The following TBC1D5 variants were observed in gnomAD, a reference collection of about 807,000 sequenced individuals.
TBC1D5 encodes TBC1 domain family, member 5.
Under a neutral mutation model 100.3 loss-of-function variants are expected in TBC1D5, and 75 were observed. The ratio of observed to expected loss-of-function variants is 0.75; its 90% confidence interval spans 0.62 to 0.91. The LOEUF (loss-of-function observed/expected upper bound fraction) is 0.91, where lower values mean the gene tolerates loss of function less well. TBC1D5 is among the 40% of genes least tolerant of loss of function. The probability of loss-of-function intolerance (pLI) is 0.00; values close to 1 mark genes in which losing one functional copy is unlikely to be tolerated. For missense variants in TBC1D5, 910 were observed against 942.4 expected, an observed-to-expected ratio of 0.97 and a Z score of 0.45; for synonymous variants, 323 against 325.6, an observed-to-expected ratio of 0.99 and a Z score of 0.09.
intron 1 of TBC1D5, among the ~76,000 whole-genome samples, chr3:17,676,136 A>C (rs2068597474): frequency 5.3e-5 from 8 of 152,188 alleles, no homozygotes; most frequent in Admixed American, 5.2e-4. Flanking sequence ...TAAAAGAAAT[A>C]AATCTCCATT....
At chr3:17,396,697 AACT>A (rs1366326098) in intron 8 of TBC1D5, among the ~76,000 whole-genome samples, 3 of 152,108 alleles carry the variant, frequency 2.0e-5, no homozygotes, top group African/African-American at 7.2e-5. Context: ...GTAACATAAT[AACT>A]ACATTTGACC....
At chr3:17,286,414 T>C (rs1559553856) in intron 15 of TBC1D5, among the ~76,000 whole-genome samples, 1 of 152,192 alleles carries the variant, frequency 6.6e-6, no homozygotes. Context: ...TGTGAGCAAC[T>C]AGCTAGAACA....
chr3:17,186,883 A>G (rs2069190612), intron 18 of TBC1D5, among the ~76,000 whole-genome samples: 1 of 152,062 alleles, frequency 6.6e-6, no homozygotes, highest in Admixed American at 6.6e-5. Flanking sequence ...CTCTCCTCCA[A>G]TACTCAAATA....
At chr3:17,513,365 A>C (rs905412243) in intron 2 of TBC1D5, among the ~76,000 whole-genome samples, 3 of 152,138 alleles carry the variant, frequency 2.0e-5, no homozygotes, top group African/African-American at 7.2e-5. Flanking sequence ...CAATATGAGC[A>C]GTATCTAAGT....
At chr3:17,457,963 G>A (rs1251185698) in intron 3 of TBC1D5, among the ~76,000 whole-genome samples, 1 of 151,976 alleles carries the variant, frequency 6.6e-6, no homozygotes, top group African/African-American at 2.4e-5. Context: ...TTGGGGTGTG[G>A]GATTTAGTTT....
chr3:17,617,107 C>A (rs1022253338), intron 2 of TBC1D5, among the ~76,000 whole-genome samples: 3 of 152,136 alleles, frequency 2.0e-5, no homozygotes, highest in Admixed American at 6.5e-5. Context: ...AATCTCTCAG[C>A]ATTTAGTTGT....
chr3:17,214,088 T>C, intron 18 of TBC1D5, 119 bp downstream of exon 19: 1 of 970,294 alleles, frequency 1.0e-6, no homozygotes. Context: ...AAATAATTCC[T>C]TTTAGTCCAT....
chr3:17,503,242 A>G (rs1404377750), intron 3 of TBC1D5, among the ~76,000 whole-genome samples: 1 of 149,176 alleles, frequency 6.7e-6, no homozygotes, highest in Non-Finnish European at 1.5e-5. Flanking sequence ...CATAGCATAA[A>G]CTCTTTACAA....
chr3:17,374,749 T>C (rs1358975602), intron 10 of TBC1D5, 70 bp from the exon 11 acceptor site: 21 of 1,511,542 alleles, frequency 1.4e-5, no homozygotes, highest in Non-Finnish European at 1.9e-5. Context: ...GTTTGCCTTA[T>C]TCTATATAAG....
At chr3:17,383,830 G>C (rs1474279103) in intron 9 of TBC1D5, 83 bp downstream of exon 9, 1 of 1,056,362 alleles carries the variant, frequency 9.5e-7, no homozygotes, top group African/African-American at 1.6e-5. Flanking sequence ...ATACAATAAA[G>C]GCTACATTAT....
intron 16 of TBC1D5, among the ~76,000 whole-genome samples, chr3:17,238,947 T>C (rs2076095445): frequency 1.3e-5 from 2 of 152,286 alleles, no homozygotes; most frequent in Admixed American, 1.3e-4. Context: ...CTGACAGTCA[T>C]GAAGTAAATT....
chr3:17,650,201 T>C (rs2065410403), intron 1 of TBC1D5, among the ~76,000 whole-genome samples: 1 of 152,100 alleles, frequency 6.6e-6, no homozygotes, highest in South Asian at 2.1e-4. Context: ...AGGTGACGGG[T>C]TGATGGGTGC....
chr3:17,264,797 C>T (rs1273919141), intron 15 of TBC1D5, among the ~76,000 whole-genome samples: 2 of 152,126 alleles, frequency 1.3e-5, no homozygotes, highest in African/African-American at 4.8e-5. Context: ...CAGCACAATA[C>T]CAGGCACTTG....
chr3:17,421,850 C>A (rs2094214961), intron 4 of TBC1D5, among the ~76,000 whole-genome samples: 1 of 152,170 alleles, frequency 6.6e-6, no homozygotes, highest in Non-Finnish European at 1.5e-5. Flanking sequence ...TTCCCTAAAT[C>A]ATGTATTTAT....
intron 13 of TBC1D5, among the ~76,000 whole-genome samples, chr3:17,360,681 A>G (rs1189936429): frequency 6.6e-6 from 1 of 152,002 alleles, no homozygotes; most frequent in East Asian, 1.9e-4. Flanking sequence ...GCAATCTTTA[A>G]TAAACTGTTC....
intron 3 of TBC1D5, among the ~76,000 whole-genome samples, chr3:17,487,496 C>T (rs2095584881): frequency 6.6e-6 from 1 of 152,114 alleles, no homozygotes; most frequent in Non-Finnish European, 1.5e-5. Flanking sequence ...GTTAGAAGGT[C>T]ATGGGTTACA....
intron 3 of TBC1D5, among the ~76,000 whole-genome samples, chr3:17,442,938 T>G (rs2094699252): frequency 6.8e-6 from 1 of 146,644 alleles, no homozygotes; most frequent in African/African-American, 2.5e-5. Flanking sequence ...AAGAGGGAAA[T>G]AGAAGGAAGG....
chr3:17,182,088 ATCT>A (rs1388652823), intron 19 of TBC1D5, among the ~76,000 whole-genome samples: 1 of 152,226 alleles, frequency 6.6e-6, no homozygotes, highest in Admixed American at 6.5e-5. Context: ...AGTCAACTTA[ATCT>A]TCGTGTTTTC....
chr3:17,284,089 T>TACACACACATACACACAC (rs1553651823), intron 15 of TBC1D5, among the ~76,000 whole-genome samples: 40 of 132,716 alleles, frequency 3.0e-4, no homozygotes, highest in African/African-American at 1.1e-3. Context: ...CTCATTATTT[T>TACACACACATACACACAC]ACACACACAC....
Sources: allele counts gnomAD v4.1 joint callset (sites outside exome capture counted in the v4.1 genomes callset), GRCh38; gene constraint gnomAD v4.1.1; transcripts MANE v1.5; gene names NCBI Gene and HGNC (gene_info 2026-07-23, HGNC 2026-07-21).